The following SHROOM3 variants were observed in gnomAD, a reference collection of about 807,000 sequenced individuals.
SHROOM3 encodes shroom family member 3, also known as protein Shroom3.
Under a neutral mutation model 138.6 loss-of-function variants are expected in SHROOM3, and 47 were observed. The ratio of observed to expected loss-of-function variants is 0.34; its 90% CI spans 0.27 to 0.43. The LOEUF is 0.43. Ranked by LOEUF, SHROOM3 falls within the 20% of genes least tolerant of loss-of-function variation. The probability of loss-of-function intolerance (pLI) is 1.00; values close to 1 mark genes in which losing one functional copy is unlikely to be tolerated. For synonymous variants in SHROOM3, 1,062 were observed against 1,063.3 expected, an observed-to-expected ratio of 1.00 and a Z score of 0.02; for missense variants, 2,491 against 2,596.5, an observed-to-expected ratio of 0.96 and a Z score of 0.88.
At chr4:76,479,806 AAG>A (rs1171936963) in intron 1 of SHROOM3, among the ~76,000 whole-genome samples, 1 of 152,224 alleles carries the variant, frequency 6.6e-6, no homozygotes, top group Non-Finnish European at 1.5e-5. Context: ...TACAAGCCAG[AAG>A]AGAGTGGGAG....
chr4:76,609,252 C>T (rs569120969), intron 2 of SHROOM3, among the ~76,000 whole-genome samples: 23 of 152,250 alleles, frequency 1.5e-4, no homozygotes, highest in African/African-American at 5.1e-4. Flanking sequence ...GCCTCTAGTA[C>T]ATCATAGTCC....
intron 2 of SHROOM3, among the ~76,000 whole-genome samples, chr4:76,692,183 G>A (rs531957542): frequency 1.2e-4 from 19 of 152,316 alleles, no homozygotes; most frequent in African/African-American, 4.6e-4. Context: ...TTGCCTGAAT[G>A]AGCAATGCCT....
rs1721185807 is a variant in SHROOM3, at chr4:76,739,701, A to G, written c.1528A>G (p.Lys510Glu). ...GYIAPQGACN[K>E]MATIDENGNQ... ...CATAGCCCCTCAGGGAGCATGCAAC[A>G]AGATGGCTACCATTGATGAGAATGG... The change falls in exon 5 of 11, where the codon AAG becomes GAG. Residue 510 changes from lysine to glutamate, a missense_variant. Lys to Glu is a moderately conservative substitution (Grantham distance 56). Coordinates refer to ENST00000296043, the MANE Select transcript of SHROOM3 (RefSeq NM_020859.4). The G allele has an allele frequency of 2.5e-6, 4 of 1,614,060 alleles. No individual in the cohort carries two copies. The highest frequency in any genetic ancestry group is 1.7e-5 in the Admixed American group (1 of 60,002).
At chr4:76,693,359 T>C (rs948390736) in intron 2 of SHROOM3, among the ~76,000 whole-genome samples, 12 of 143,306 alleles carry the variant, frequency 8.4e-5, no homozygotes, top group Non-Finnish European at 1.5e-4. Context: ...TACCTTCATT[T>C]TGATAAGTTT....
rs896228451 is a variant in SHROOM3, at chr4:76,454,495, C to T, written c.168+18275C>T. Among the ~76,000 whole-genome samples the T allele has an allele frequency of 2.4e-4, 37 of 152,156 alleles. 1 individual carries two copies. The highest frequency in any genetic ancestry group is 4.4e-5 in the Non-Finnish European group (3 of 68,036). ...TATAGCCAGAGTTGATTTCTGGACT[C>T]TCTCTATTCTATTGTATTGGTCTAA... is the stretch of plus-strand genomic sequence containing the variant. On this transcript the variant is annotated intron_variant, in intron 1 of 10. Transcript: ENST00000296043.
chr4:76,497,301 A>G (rs1352172734), intron 1 of SHROOM3, among the ~76,000 whole-genome samples: 1 of 152,224 alleles, frequency 6.6e-6, no homozygotes, highest in Admixed American at 6.5e-5. Flanking sequence ...TCCTAGAGAA[A>G]CTATTTTTCC....
In SHROOM3 at chr4:76,779,286, TG is replaced by T; in HGVS notation, c.*110del. The T allele has an allele frequency of 7.0e-7, 1 of 1,437,798 alleles. No individual in the cohort carries two copies. Among genetic ancestry groups the T allele is most frequent in the Non-Finnish European group, 9.3e-7 (1 of 1,080,368 alleles). 89.1% of individuals were successfully genotyped at this position (1,437,798 alleles called of 1,614,324 possible). On this transcript the variant is annotated 3_prime_UTR_variant, in exon 11 of 11. Transcript: ENST00000296043. ...TTGAACTATCTGGGTTATTGGTGTT[TG>T]TTCCTGATGAAAGGAAAAAAATTCT... is the stretch of plus-strand genomic sequence containing the variant.
intron 2 of SHROOM3, among the ~76,000 whole-genome samples, chr4:76,669,415 G>A (rs1218372147): frequency 6.6e-6 from 1 of 152,142 alleles, no homozygotes; most frequent in Non-Finnish European, 1.5e-5. Flanking sequence ...GAGGTCAGGA[G>A]TTCAAAACCA....
At chr4:76,629,699 A>G (rs1560571344) in intron 2 of SHROOM3, among the ~76,000 whole-genome samples, 1 of 152,192 alleles carries the variant, frequency 6.6e-6, no homozygotes, top group South Asian at 2.1e-4. Flanking sequence ...GGAATGCTCA[A>G]TGTGGGGTGA....
Position 76,739,349 on chromosome 4 carries a change from CGCA to C in SHROOM3, c.1180_1182del (p.Ala394del). ...TGCCTCCAGCTCGGAGTGACAGTTA[CGCA>C]GCATTTCGGCACCGTGAGCGGCCCA... On this transcript the variant is annotated inframe_deletion, in exon 5 of 11. Transcript: ENST00000296043. 6.2e-7 allele frequency: 1 copy of C among 1,614,106 alleles called. No homozygotes were observed. Among genetic ancestry groups the C allele is most frequent in the Non-Finnish European group, 8.5e-7 (1 of 1,180,030 alleles).
At chr4:76,443,827 G>C (rs1448276748) in intron 1 of SHROOM3, among the ~76,000 whole-genome samples, 1 of 152,214 alleles carries the variant, frequency 6.6e-6, no homozygotes, top group East Asian at 1.9e-4. Flanking sequence ...CTGGGCATCT[G>C]AACCTGAATT....
intron 1 of SHROOM3, among the ~76,000 whole-genome samples, chr4:76,503,060 C>T (rs1267146352): frequency 6.6e-6 from 1 of 151,998 alleles, no homozygotes; most frequent in African/African-American, 2.4e-5. Context: ...TATAATGACT[C>T]TTGATAACTG....
At chr4:76,450,926 T>C (rs1730913178) in intron 1 of SHROOM3, among the ~76,000 whole-genome samples, 2 of 151,844 alleles carry the variant, frequency 1.3e-5, no homozygotes. Context: ...AAGTAAATTA[T>C]TACCCACCAT....
At chr4:76,563,532 A>G (rs2110033958) in intron 2 of SHROOM3, among the ~76,000 whole-genome samples, 1 of 152,312 alleles carries the variant, frequency 6.6e-6, no homozygotes, top group East Asian at 1.9e-4. Flanking sequence ...GTGTATTTGC[A>G]CCATCTGGTG....
Position 76,770,676 on chromosome 4 carries a change from G to A in SHROOM3, c.5400G>A (p.Ala1800=), listed in dbSNP as rs200212533. Residue 1800 remains alanine (A), a synonymous_variant, in exon 10 of 11, where the codon GCG becomes GCA. Transcript: ENST00000296043. The part of the protein sequence containing the change: ...LTHKLETLQE[A]KGSLLTDIKL... Reference sequence around the variant, plus strand: ...ACAAGCTGGAGACCCTCCAGGAGGCGAAGGGGAGCCTGCTCACGGACATCA... The same window carrying A: ...ACAAGCTGGAGACCCTCCAGGAGGCAAAGGGGAGCCTGCTCACGGACATCA... The A allele has an allele frequency of 1.9e-5, 30 of 1,614,180 alleles. No homozygotes were observed. The African/African-American group carries it at 2.1e-4, about 11-fold the overall frequency.
chr4:76,508,290 ACAT>A (rs1262339097), intron 1 of SHROOM3, among the ~76,000 whole-genome samples: 1 of 152,238 alleles, frequency 6.6e-6, no homozygotes, highest in Non-Finnish European at 1.5e-5. Context: ...AGCTGGCCTA[ACAT>A]CATTTGTTGA....
At chr4:76,756,962 A>G (rs773872983) in intron 8 of SHROOM3, 25 bp downstream of exon 8, 1 of 1,613,486 alleles carries the variant, frequency 6.2e-7, no homozygotes, top group East Asian at 2.2e-5. Context: ...ATGTCCTCAG[A>G]GAGACTTACA....
At chr4:76,607,151 G>A (rs1408870910) in intron 2 of SHROOM3, among the ~76,000 whole-genome samples, 1 of 152,060 alleles carries the variant, frequency 6.6e-6, no homozygotes, top group Non-Finnish European at 1.5e-5. Context: ...TTGACTAAAA[G>A]CATCAGTTGC....
At chr4:76,641,603 T>C (rs1387133710) in intron 2 of SHROOM3, among the ~76,000 whole-genome samples, 1 of 152,200 alleles carries the variant, frequency 6.6e-6, no homozygotes, top group Non-Finnish European at 1.5e-5. Context: ...GTGCGTAATC[T>C]CTGGGCCAGG....
Sources: allele counts gnomAD v4.1 joint callset (sites outside exome capture counted in the v4.1 genomes callset), GRCh38; gene constraint gnomAD v4.1.1; transcripts MANE v1.5; gene names NCBI Gene and HGNC (gene_info 2026-07-23, HGNC 2026-07-21).